The following TTC34 variants were observed in gnomAD, a reference collection of about 807,000 sequenced individuals.
TTC34 encodes the protein tetratricopeptide repeat protein 34.
Under a neutral mutation model 40.7 loss-of-function variants are expected in TTC34, and 44 were observed. That is an observed-to-expected ratio of 1.08 (90% confidence interval 0.85 to 1.39). The LOEUF is 1.39. Among genes scored for constraint, TTC34 ranks in the 40% most tolerant of loss-of-function variants. The pLI, the probability that TTC34 is intolerant of heterozygous loss-of-function variation, is 0.00. For missense variants in TTC34, 884 were observed against 838.0 expected, an observed-to-expected ratio of 1.05 and a Z score of -0.68; for synonymous variants, 422 against 398.6, an observed-to-expected ratio of 1.06 and a Z score of -0.70.
At chr1:2,683,096 G>T (rs1438057748) in intron 6 of TTC34, among the ~76,000 whole-genome samples, 1 of 146,096 alleles carries the variant, frequency 6.8e-6, no homozygotes, top group Non-Finnish European at 1.5e-5. Flanking sequence ...TGACAGCCTG[G>T]AGCAGCATCC....
At chr1:2,656,295 C>A (rs1353763156) in intron 6 of TTC34, among the ~76,000 whole-genome samples, 2 of 146,748 alleles carry the variant, frequency 1.4e-5, no homozygotes, top group Non-Finnish European at 3.0e-5. Flanking sequence ...AGCACCCACA[C>A]CCCCAGGCGA....
chr1:2,647,639 G>GA (rs891595741), intron 6 of TTC34, among the ~76,000 whole-genome samples: 2 of 151,928 alleles, frequency 1.3e-5, no homozygotes, highest in East Asian at 1.9e-4. Context: ...ATCTCTTCTA[G>GA]AAAATTTTTT....
In TTC34 at chr1:2,649,993, T is replaced by C. The variant is rs1412430696; in HGVS notation, c.2227-4430A>G. Reference sequence around the variant, plus strand: ...ATCCCCAAGTGAGCTTCTGACAGCCTGGAATGGCACTCTGCATCCCCAGGT... The same window carrying C: ...ATCCCCAAGTGAGCTTCTGACAGCCCGGAATGGCACTCTGCATCCCCAGGT... On this transcript the variant is annotated intron_variant, in intron 6 of 8. Transcript: ENST00000401095. Among the ~76,000 whole-genome samples, 13 of 150,722 alleles carry C rather than the reference T, an allele frequency of 8.6e-5. No individual in the cohort carries two copies. In the East Asian group the frequency reaches 2.6e-3, roughly 30 times the overall value.
intron 6 of TTC34, among the ~76,000 whole-genome samples, chr1:2,647,038 T>A (rs1639032198): frequency 6.6e-6 from 1 of 152,236 alleles, no homozygotes; most frequent in Non-Finnish European, 1.5e-5. Flanking sequence ...ATTCGTGTTG[T>A]TGTATGTCAT....
At chr1:2,798,086 TC>T (rs1643728238) in intron 2 of TTC34, among the ~76,000 whole-genome samples, 2 of 80,344 alleles carry the variant, frequency 2.5e-5, no homozygotes, top group East Asian at 3.6e-4. Context: ...GCCCCTCAGC[TC>T]CCCAGCCTCC....
rs78029168 is a variant in TTC34, at chr1:2,789,210, G to A, written c.1628+293C>T. ...ACAAAGGGAATCGTCATGACCTATT[G>A]AGTAAGAAAATTAGCATATGAACAG... On this transcript the variant is annotated intron_variant, in intron 3 of 8. Transcript: ENST00000401095. 3.1e-4 allele frequency among the ~76,000 whole-genome samples: 47 copies of A among 152,330 alleles called. 2 individuals are homozygous for A. The East Asian group carries it at 8.9e-3, about 29-fold the overall frequency.
exon 9 of TTC34, chr1:2,639,853 G>A (rs551774305): frequency 1.3e-5 from 2 of 152,672 alleles, no homozygotes; most frequent in East Asian, 3.9e-4. Context: ...AGACACATAG[G>A]CGGTGCCAGC....
intron 6 of TTC34, among the ~76,000 whole-genome samples, chr1:2,649,168 AC>A (rs1446763385): frequency 1.3e-5 from 2 of 151,006 alleles, no homozygotes; most frequent in Non-Finnish European, 3.0e-5. Context: ...ATCCACACCC[AC>A]AGATGAGTGT....
chr1:2,750,205 C>A (rs1203984394), intron 6 of TTC34, among the ~76,000 whole-genome samples: 8,035 of 99,014 alleles, frequency 0.081, no homozygotes, highest in East Asian at 0.16. Flanking sequence ...CACCCACACC[C>A]CCAGGTGCGC....
At position 2,645,582 on chromosome 1, in the gene TTC34, G is replaced by T; in HGVS notation, c.2227-19C>A. 2.3e-6 allele frequency: 3 copies of T among 1,322,416 alleles called. No homozygotes were observed. Among genetic ancestry groups the T allele is most frequent in the Non-Finnish European group, 3.0e-6 (3 of 997,702 alleles). 81.9% of individuals were successfully genotyped at this position (1,322,416 alleles called of 1,614,324 possible). On this transcript the variant is annotated intron_variant, in intron 6 of 8. Transcript: ENST00000401095. The surrounding 1 kb of genome is among the most constrained non-coding windows in gnomAD (Gnocchi z 4.7). ...CGGCTTCCTGCAAGGAGGGAGGGCG[G>T]GCGGGTGCAGAGTTGTCCTAAGTAG...
intron 6 of TTC34, among the ~76,000 whole-genome samples, chr1:2,685,809 G>T (rs527363430): frequency 6.8e-6 from 1 of 147,060 alleles, no homozygotes; most frequent in African/African-American, 2.5e-5. Flanking sequence ...CCCCAGGTGA[G>T]CATCTGACAG....
At chr1:2,794,691 G>T (rs1205823981) in intron 2 of TTC34, among the ~76,000 whole-genome samples, 1 of 152,110 alleles carries the variant, frequency 6.6e-6, no homozygotes, top group Non-Finnish European at 1.5e-5. Context: ...TTAAATGGAA[G>T]GCTTCTGAAT....
intron 6 of TTC34, among the ~76,000 whole-genome samples, chr1:2,695,066 A>ATCTGACAACCTGCAATAGCAC: frequency 9.1e-6 from 1 of 110,292 alleles, no homozygotes; most frequent in Non-Finnish European, 2.0e-5. Flanking sequence ...CTGAAACAGC[A>ATCTGACAACCTGCAATAGCAC]CACACACCCC....
In TTC34 at chr1:2,645,677, G is replaced by A. The variant is rs1412451958; in HGVS notation, c.2227-114C>T. 8.8e-7 allele frequency: 1 copy of A among 1,132,462 alleles called. No homozygotes were observed. Among genetic ancestry groups the A allele is most frequent in the African/African-American group, 1.6e-5 (1 of 62,414 alleles). 70.2% of individuals were successfully genotyped at this position (1,132,462 alleles called of 1,614,324 possible). A position where few individuals can be genotyped will look rare whatever the true frequency, so the allele number is the denominator to read the frequency against. On this transcript the variant is annotated intron_variant, in intron 6 of 8. Transcript: ENST00000401095. This position sits in a 1 kb window ranked among gnomAD's most constrained non-coding sequence, Gnocchi z 4.7. ...TCTCATTCCCTGATCTTCTCCCTGGGGTCCTAGAGGGTCTGAACACCCAGC... is the reference window on the plus strand; with the variant it reads ...TCTCATTCCCTGATCTTCTCCCTGGAGTCCTAGAGGGTCTGAACACCCAGC...
At chr1:2,793,974 A>G (rs1358256082) in intron 2 of TTC34, among the ~76,000 whole-genome samples, 2 of 135,410 alleles carry the variant, frequency 1.5e-5, no homozygotes, top group Non-Finnish European at 1.5e-5. Flanking sequence ...TCTTCTGTGG[A>G]CAGTGAATAT....
intron 6 of TTC34, among the ~76,000 whole-genome samples, chr1:2,781,616 A>G (rs1176361988): frequency 6.6e-6 from 1 of 152,116 alleles, no homozygotes; most frequent in Non-Finnish European, 1.5e-5. Context: ...TTAGAGGAAA[A>G]ACTTTTCTTT....
At chr1:2,687,968 C>G (rs1199281895) in intron 6 of TTC34, among the ~76,000 whole-genome samples, 3 of 151,664 alleles carry the variant, frequency 2.0e-5, no homozygotes, top group Non-Finnish European at 4.4e-5. Flanking sequence ...CACGCGCACC[C>G]CCAGGAGAGC....
chr1:2,750,543 C>T (rs1641281670), intron 6 of TTC34, among the ~76,000 whole-genome samples: 1 of 151,120 alleles, frequency 6.6e-6, no homozygotes, highest in Non-Finnish European at 1.5e-5. Flanking sequence ...GAGCATCCGA[C>T]AGCCTGGGGC....
chr1:2,768,210 T>C, intron 6 of TTC34, among the ~76,000 whole-genome samples: 1 of 150,892 alleles, frequency 6.6e-6, no homozygotes, highest in Non-Finnish European at 1.5e-5. Context: ...TGCCCACCCC[T>C]GGGTGAGGAT....
Sources: allele counts gnomAD v4.1 joint callset (sites outside exome capture counted in the v4.1 genomes callset), GRCh38; gene constraint gnomAD v4.1.1; non-coding constraint Gnocchi (gnomAD v3.1); transcripts MANE v1.5; gene names NCBI Gene and HGNC (gene_info 2026-07-23, HGNC 2026-07-21).